Variants in SLC9C1 observed in about 807,000 individuals in gnomAD.
The protein encoded by SLC9C1 is solute carrier family 9 member C1.
In SLC9C1, 97 loss-of-function variants were observed where a neutral mutation model predicts 140.9. The ratio of observed to expected loss-of-function variants is 0.69; its 90% confidence interval spans 0.58 to 0.82. SLC9C1 has a LOEUF of 0.82. SLC9C1 is among the 40% of genes least tolerant of loss of function. The pLI, the probability that SLC9C1 is intolerant of heterozygous loss-of-function variation, is 0.00. For synonymous variants in SLC9C1, 440 were observed against 442.6 expected (o/e 0.99, Z 0.07); for missense variants, 1,340 against 1,389.3 (o/e 0.96, Z 0.56).
chr3:112,170,182 A>G (rs1257546674), intron 23 of SLC9C1, among the ~76,000 whole-genome samples: 3 of 152,214 alleles, frequency 2.0e-5, no homozygotes, highest in African/African-American at 7.2e-5. Flanking sequence ...CCACAAAAAT[A>G]AATAAATAAT....
At chr3:112,233,787 A>G (rs4682095) in intron 12 of SLC9C1, among the ~76,000 whole-genome samples, 89,535 of 151,526 alleles carry the variant, frequency 0.59, 26,993 homozygotes, top group East Asian at 0.79. Context: ...AGCTTCATCC[A>G]TGTCCCTACA....
At chr3:112,215,851 A>T (rs2078350026) in intron 15 of SLC9C1, among the ~76,000 whole-genome samples, 3 of 152,224 alleles carry the variant, frequency 2.0e-5, no homozygotes, top group African/African-American at 7.2e-5. Context: ...ATTGGAAAAA[A>T]CTACTTTAAA....
chr3:112,200,202 A>T (rs1350689960), intron 19 of SLC9C1, among the ~76,000 whole-genome samples: 1 of 152,108 alleles, frequency 6.6e-6, no homozygotes. Flanking sequence ...GTCCTGCACC[A>T]GGAGCGTGAC....
chr3:112,200,821 T>TAAGG, intron 18 of SLC9C1, 59 bp from the exon 19 acceptor site: 1 of 1,438,496 alleles, frequency 7.0e-7, no homozygotes, highest in Non-Finnish European at 9.6e-7. Flanking sequence ...AAAATGTCCT[T>TAAGG]ACATTTGCAA....
chr3:112,236,858 A>G (rs145654305), intron 12 of SLC9C1, among the ~76,000 whole-genome samples: 1 of 152,082 alleles, frequency 6.6e-6, no homozygotes, highest in Non-Finnish European at 1.5e-5. Context: ...CTTCTTTTAC[A>G]TTTGCTGAGG....
At chr3:112,253,656 C>T (rs753198447) in intron 10 of SLC9C1, among the ~76,000 whole-genome samples, 16 of 152,186 alleles carry the variant, frequency 1.1e-4, no homozygotes, top group Non-Finnish European at 2.2e-4. Context: ...GCTAAAGGGA[C>T]ACCCAAACAC....
chr3:112,293,906 A>T lies in SLC9C1; in HGVS notation c.-88+187T>A, dbSNP rs568362901. On this transcript the variant is annotated intron_variant, in intron 1 of 28. Coordinates refer to ENST00000305815, the MANE Select transcript of SLC9C1 (RefSeq NM_183061.3). ...GGGTAGAAGTTCAAACCGAGAAGCT[A>T]GCTGATCTTTGGGAAAGTGTTCCAT... is the stretch of plus-strand genomic sequence containing the variant. Among the ~76,000 whole-genome samples, 30 of 152,348 alleles carry T rather than the reference A, an allele frequency of 2.0e-4. No individual in the cohort carries two copies. The South Asian group carries it at 6.0e-3, about 30-fold the overall frequency.
chr3:112,186,108 C>G (rs2107975571), intron 20 of SLC9C1: 1 of 778,076 alleles, frequency 1.3e-6, no homozygotes, highest in Middle Eastern at 3.9e-4. Flanking sequence ...CTTGTTCTTA[C>G]TGATTTGTAT....
Position 112,264,269 on chromosome 3 carries a change from G to T in SLC9C1, c.953C>A (p.Thr318Lys), listed in dbSNP as rs1033643743. The change falls in exon 9 of 29, where the codon ACA becomes AAA. Residue 318 changes from threonine to lysine, a missense_variant. Transcript: ENST00000305815. ...TFFGLLIPAH[T>K]YLYIEFVDIY... ...ATCAACAAATTCTATATACAAATAT[G>T]TATGTGCAGGAATTAGAAGTCCAAA... is the stretch of plus-strand genomic sequence containing the variant. 1 of 1,436,260 alleles carries T rather than the reference G, an allele frequency of 7.0e-7. No homozygotes were observed. Among genetic ancestry groups the T allele is most frequent in the Non-Finnish European group, 9.3e-7 (1 of 1,079,440 alleles). 89.0% of individuals were successfully genotyped at this position (1,436,260 alleles called of 1,614,324 possible). A position where few individuals can be genotyped will look rare whatever the true frequency, so the allele number is the denominator to read the frequency against.
At chr3:112,231,507 A>C (rs565292406) in intron 12 of SLC9C1, 21 bp from the exon 13 acceptor site, 2 of 1,580,940 alleles carry the variant, frequency 1.3e-6, no homozygotes, top group Admixed American at 3.6e-5. Flanking sequence ...CATAAATAAA[A>C]GAACAAAAAA....
intron 10 of SLC9C1, among the ~76,000 whole-genome samples, chr3:112,247,722 A>T (rs1383218907): frequency 3.3e-5 from 5 of 151,606 alleles, no homozygotes; most frequent in Non-Finnish European, 7.4e-5. Flanking sequence ...AGCAGCTCTT[A>T]GAAGTCAGGT....
At chr3:112,179,439 A>T (rs1402257186) in intron 23 of SLC9C1, 92 bp downstream of exon 23, 1 of 1,366,758 alleles carries the variant, frequency 7.3e-7, no homozygotes, top group Non-Finnish European at 9.9e-7. Context: ...ATTGTCAACT[A>T]GACTGTAAAC....
chr3:112,162,274 C>A (rs371527435), intron 26 of SLC9C1, among the ~76,000 whole-genome samples: 1 of 152,244 alleles, frequency 6.6e-6, no homozygotes, highest in Non-Finnish European at 1.5e-5. Flanking sequence ...CCTTCTCCTG[C>A]CTAATTGCCC....
intron 12 of SLC9C1, among the ~76,000 whole-genome samples, chr3:112,233,183 C>A (rs1313969027): frequency 6.6e-6 from 1 of 151,762 alleles, no homozygotes; most frequent in Non-Finnish European, 1.5e-5. Context: ...ATCTTCCTAC[C>A]TCAGTCTCCC....
chr3:112,176,472 A>T (rs2077338752), intron 23 of SLC9C1, among the ~76,000 whole-genome samples: 1 of 152,142 alleles, frequency 6.6e-6, no homozygotes, highest in Non-Finnish European at 1.5e-5. Flanking sequence ...ATCGATTTTT[A>T]ACAACTGGTT....
At chr3:112,185,927 G>A in intron 20 of SLC9C1, 1 of 1,568,476 alleles carries the variant, frequency 6.4e-7, no homozygotes, top group Non-Finnish European at 8.6e-7. Context: ...CCGGGAAATA[G>A]CCAGGCGGCA....
chr3:112,242,892 A>G (rs910048445), intron 11 of SLC9C1, among the ~76,000 whole-genome samples: 1 of 152,178 alleles, frequency 6.6e-6, no homozygotes, highest in Non-Finnish European at 1.5e-5. Context: ...AAGGCATACA[A>G]GTGGCCAACA....
intron 10 of SLC9C1, among the ~76,000 whole-genome samples, chr3:112,260,395 C>T (rs2079739237): frequency 6.6e-6 from 1 of 151,902 alleles, no homozygotes; most frequent in African/African-American, 2.4e-5. Flanking sequence ...TAAAGTATTG[C>T]TGGTTCCAAC....
intron 10 of SLC9C1, among the ~76,000 whole-genome samples, chr3:112,252,355 C>T (rs1399298164): frequency 6.6e-6 from 1 of 152,146 alleles, no homozygotes; most frequent in African/African-American, 2.4e-5. Context: ...CCAGTGTTTT[C>T]TGGTCAGCAG....
Sources: allele counts gnomAD v4.1 joint callset (sites outside exome capture counted in the v4.1 genomes callset), GRCh38; gene constraint gnomAD v4.1.1; transcripts MANE v1.5; gene names NCBI Gene and HGNC (gene_info 2026-07-23, HGNC 2026-07-21).